Variants in RAB31 observed in about 807,000 individuals in gnomAD.
The protein encoded by RAB31 is RAB31, member RAS oncogene family.
RAB31 carries 21 observed loss-of-function variants against 25.6 expected under a neutral mutation model. The ratio of observed to expected loss-of-function variants is 0.82; its 90% confidence interval spans 0.58 to 1.18. The LOEUF (loss-of-function observed/expected upper bound fraction) is 1.18. RAB31 is among the 50% of genes most tolerant of loss of function. The pLI, the probability that RAB31 is intolerant of heterozygous loss-of-function variation, is 0.00. For synonymous variants in RAB31, 87 were observed against 84.0 expected (o/e 1.04, Z -0.20); for missense variants, 196 against 250.1 (o/e 0.78, Z 1.46).
At chr18:9,837,380 A>G (rs372640797) in intron 5 of RAB31, among the ~76,000 whole-genome samples, 19 of 152,368 alleles carry the variant, frequency 1.2e-4, no homozygotes, top group Admixed American at 9.8e-4. Context: ...CTTACAGAAG[A>G]CAAATAATTT....
At chr18:9,739,635 A>G (rs969537179) in intron 1 of RAB31, among the ~76,000 whole-genome samples, 3 of 152,102 alleles carry the variant, frequency 2.0e-5, no homozygotes, top group East Asian at 1.9e-4. Flanking sequence ...GATACACTGT[A>G]TTGATGAGGA....
rs1568161331 is a variant in RAB31 at position 9,719,329 on chromosome 18, AAATAAAT to A, written c.39+10888_39+10894del. On this transcript the variant is annotated intron_variant, in intron 1 of 6. Transcript: ENST00000578921. ...TATATATATATATATATATATATAT[AAATAAAT>A]AAATTTGATCTAATTATGAGGGAGG... is the stretch of plus-strand genomic sequence containing the variant. 7.1e-5 allele frequency among the ~76,000 whole-genome samples: 3 copies of A among 42,534 alleles called. No homozygotes were observed. The East Asian group carries it at 3.4e-3, about 49-fold the overall frequency. 27.9% of individuals were successfully genotyped at this position (42,534 alleles called of 152,430 possible).
chr18:9,858,453 C>T (rs1599070855), intron 6 of RAB31, among the ~76,000 whole-genome samples: 1 of 152,136 alleles, frequency 6.6e-6, no homozygotes, highest in East Asian at 1.9e-4. Flanking sequence ...TTGGTATATT[C>T]ACAGATCTGT....
chr18:9,851,925 CATAAT>C (rs1322430414), intron 6 of RAB31, among the ~76,000 whole-genome samples: 2 of 150,978 alleles, frequency 1.3e-5, no homozygotes, highest in Non-Finnish European at 3.0e-5. Flanking sequence ...TATCATATTT[CATAAT>C]ATATTTCAAT....
At chr18:9,842,328 C>T (rs1279551130) in intron 5 of RAB31, among the ~76,000 whole-genome samples, 1 of 152,138 alleles carries the variant, frequency 6.6e-6, no homozygotes, top group Non-Finnish European at 1.5e-5. Flanking sequence ...CAACCAGGCT[C>T]ATCCTGAAGA....
intron 1 of RAB31, among the ~76,000 whole-genome samples, chr18:9,710,285 A>T (rs565516310): frequency 6.6e-6 from 1 of 152,336 alleles, no homozygotes; most frequent in Admixed American, 6.5e-5. Flanking sequence ...CCCTTTAGGC[A>T]GAGGACTACA....
intron 1 of RAB31, among the ~76,000 whole-genome samples, chr18:9,737,301 A>G (rs1431002831): frequency 3.3e-5 from 5 of 152,324 alleles, no homozygotes; most frequent in Non-Finnish European, 7.4e-5. Context: ...GTAGCAGGTG[A>G]CACGTGCACA....
At chr18:9,732,210 C>T (rs1467437990) in intron 1 of RAB31, among the ~76,000 whole-genome samples, 1 of 152,216 alleles carries the variant, frequency 6.6e-6, no homozygotes, top group Non-Finnish European at 1.5e-5. Flanking sequence ...ACCAGACCAT[C>T]TTCGTCCAGG....
rs571452962 is a variant in RAB31, at chr18:9,769,896, C to T, written c.40-5382C>T. Among the ~76,000 whole-genome samples, 22 of 152,192 alleles carry T rather than the reference C, an allele frequency of 1.4e-4. No homozygotes were observed. The South Asian group carries it at 1.7e-3, about 11-fold the overall frequency. Reference sequence around the variant, plus strand: ...TTATTGAGAGTTTTTAGCATGAAGTCGTGTTGAATTTTATCAAAGGCCTTT... The same window carrying T: ...TTATTGAGAGTTTTTAGCATGAAGTTGTGTTGAATTTTATCAAAGGCCTTT... On this transcript the variant is annotated intron_variant, in intron 1 of 6. Coordinates refer to ENST00000578921, the MANE Select transcript of RAB31 (RefSeq NM_006868.4).
intron 1 of RAB31, among the ~76,000 whole-genome samples, chr18:9,754,205 C>T (rs2068249376): frequency 6.6e-6 from 1 of 152,148 alleles, no homozygotes; most frequent in Non-Finnish European, 1.5e-5. Flanking sequence ...TCTGTGAGTT[C>T]CATGTTTGTG....
intron 6 of RAB31, among the ~76,000 whole-genome samples, chr18:9,851,836 T>A (rs959218400): frequency 1.3e-5 from 2 of 152,074 alleles, no homozygotes; most frequent in African/African-American, 4.8e-5. Context: ...TATCCTTATT[T>A]CACAATATAT....
At chr18:9,801,362 T>A (rs2068513089) in intron 3 of RAB31, among the ~76,000 whole-genome samples, 1 of 151,248 alleles carries the variant, frequency 6.6e-6, no homozygotes, top group African/African-American at 2.4e-5. Flanking sequence ...GCTCACTGCA[T>A]CCTCTGCCTC....
intron 6 of RAB31, among the ~76,000 whole-genome samples, chr18:9,849,019 C>T (rs922524486): frequency 3.3e-5 from 5 of 152,116 alleles, no homozygotes; most frequent in Non-Finnish European, 7.4e-5. Context: ...AATATATTGT[C>T]GTCTGATTGG....
At position 9,766,583 on chromosome 18, in the gene RAB31, A is replaced by G. The variant is rs2068317614; in HGVS notation, c.40-8695A>G. Among the ~76,000 whole-genome samples, 2 of 152,170 alleles carry G rather than the reference A, an allele frequency of 1.3e-5. No individual in the cohort carries two copies. The highest frequency in any genetic ancestry group is 2.9e-5 in the Non-Finnish European group (2 of 68,018). On this transcript the variant is annotated intron_variant, in intron 1 of 6. Coordinates refer to ENST00000578921, the MANE Select transcript of RAB31 (RefSeq NM_006868.4). This position sits in a 1 kb window ranked among gnomAD's most constrained non-coding sequence, Gnocchi z 4.3. ...CTCTTTATGTTATTTCTTTATGCCC[A>G]CAAGGTCTGCTGCCCTGTACAGGCC... is the stretch of plus-strand genomic sequence containing the variant.
At chr18:9,846,932 A>G (rs2068764977) in intron 6 of RAB31, among the ~76,000 whole-genome samples, 1 of 151,878 alleles carries the variant, frequency 6.6e-6, no homozygotes, top group Non-Finnish European at 1.5e-5. Flanking sequence ...TGGGGTCTTC[A>G]CTCTCTTCCC....
At chr18:9,764,961 C>T (rs12969233) in intron 1 of RAB31, among the ~76,000 whole-genome samples, 1 of 140,676 alleles carries the variant, frequency 7.1e-6, no homozygotes. Context: ...TTCTTTCTTT[C>T]TTTTTTTTTT....
intron 3 of RAB31, among the ~76,000 whole-genome samples, chr18:9,805,205 G>C (rs143689229): frequency 6.6e-6 from 1 of 151,080 alleles, no homozygotes; most frequent in Non-Finnish European, 1.5e-5. Context: ...GCAGTGAGCC[G>C]AGATTGCACC....
At chr18:9,812,689 A>ATTTTTTTTT (rs55968922) in intron 3 of RAB31, among the ~76,000 whole-genome samples, 1 of 90,234 alleles carries the variant, frequency 1.1e-5, no homozygotes, top group Non-Finnish European at 2.1e-5. Context: ...CCAGGATACT[A>ATTTTTTTTT]TTTTTTTTTT....
intron 2 of RAB31, among the ~76,000 whole-genome samples, chr18:9,785,445 G>A (rs1872539492): frequency 6.6e-6 from 1 of 152,082 alleles, no homozygotes; most frequent in Non-Finnish European, 1.5e-5. Flanking sequence ...ATCTGGTAGG[G>A]TGTCATGATA....
Sources: allele counts gnomAD v4.1 joint callset (sites outside exome capture counted in the v4.1 genomes callset), GRCh38; gene constraint gnomAD v4.1.1; non-coding constraint Gnocchi (gnomAD v3.1); transcripts MANE v1.5; gene names NCBI Gene and HGNC (gene_info 2026-07-23, HGNC 2026-07-21).